Variants in ELAVL3 observed in about 807,000 individuals in gnomAD.
ELAVL3 encodes the protein ELAV like RNA binding protein 3, also known as ELAV-like protein 3.
Under a neutral mutation model 34.2 loss-of-function variants are expected in ELAVL3, and 8 were observed. That is an observed-to-expected ratio of 0.23 (90% CI 0.14 to 0.42). ELAVL3 has a LOEUF of 0.42. Ranked by LOEUF, ELAVL3 falls within the 10% of genes least tolerant of loss-of-function variation. The pLI, the probability that ELAVL3 is intolerant of heterozygous loss-of-function variation, is 1.00. For missense variants in ELAVL3, 273 were observed against 518.8 expected (o/e 0.53, Z 4.60); for synonymous variants, 209 against 222.1 (o/e 0.94, Z 0.53).
At position 11,454,306 on chromosome 19, in the gene ELAVL3, G is replaced by T; in HGVS notation, c.*220C>A. 1.8e-6 allele frequency: 1 copy of T among 561,166 alleles called. No homozygotes were observed. The highest frequency in any genetic ancestry group is 3.2e-6 in the Non-Finnish European group (1 of 316,330). The allele number at this position is 561,166 out of a possible 1,614,324, so 34.8% of individuals were successfully genotyped here. On this transcript the variant is annotated 3_prime_UTR_variant, in exon 7 of 7. Transcript: ENST00000359227. The surrounding 1 kb of genome is among the most constrained non-coding windows in gnomAD (Gnocchi z 9.2). Reference sequence around the variant, plus strand: ...ACAGCCCAGCCTGGGGTGGGGGCAGGAGGATGGGGCGGGGGATCCCCGGGC... The same window carrying T: ...ACAGCCCAGCCTGGGGTGGGGGCAGTAGGATGGGGCGGGGGATCCCCGGGC...
chr19:11,458,912 C>T lies in ELAVL3; in HGVS notation c.334-301G>A, dbSNP rs1272168105. Reference sequence around the variant, plus strand: ...GGATCCTTGAATAGCCGGCTCACATCACTATCACATGCTTGACAGTCCATC... The same window carrying T: ...GGATCCTTGAATAGCCGGCTCACATTACTATCACATGCTTGACAGTCCATC... On this transcript the variant is annotated intron_variant, in intron 3 of 6. Transcript: ENST00000359227. This position sits in a 1 kb window ranked among gnomAD's most constrained non-coding sequence, Gnocchi z 7.3. Among the ~76,000 whole-genome samples the T allele has an allele frequency of 4.0e-5, 6 of 151,802 alleles. No individual in the cohort carries two copies. The East Asian group carries it at 9.7e-4, about 24-fold the overall frequency.
chr19:11,480,451 C>T lies in ELAVL3; in HGVS notation c.9+149G>A. 1 of 1,020,248 alleles carries T rather than the reference C, an allele frequency of 9.8e-7. No homozygotes were observed. The highest frequency in any genetic ancestry group is 1.3e-6 in the Non-Finnish European group (1 of 756,974). 63.2% of individuals were successfully genotyped at this position (1,020,248 alleles called of 1,614,324 possible). ...CACTCTGGGCGCGGCCCTGCCCACT[C>T]TCAGGCCCCGAGGCTTGGTCCTACC... On this transcript the variant is annotated intron_variant, in intron 1 of 6. Transcript: ENST00000359227. This position sits in a 1 kb window ranked among gnomAD's most constrained non-coding sequence, Gnocchi z 6.8.
rs769934752 is a variant in ELAVL3, at chr19:11,458,108, G to A, written c.666C>T (p.Ser222=). ...QALLTHLYQS[S]ARRYAGPLHH... ...GTAGGGGGCCTGCGTAGCGCCGGGC[G>A]GATGACTGGTAGAGGTGGGTGAGCA... The change falls in exon 5 of 7, where the codon TCC becomes TCT. Residue 222 remains serine (S), a synonymous_variant. Transcript: ENST00000359227. The surrounding 1 kb of genome is among the most constrained non-coding windows in gnomAD (Gnocchi z 7.3). The A allele has an allele frequency of 5.6e-6, 9 of 1,614,006 alleles. No individual in the cohort carries two copies. The highest frequency in any genetic ancestry group is 5.0e-5 in the Admixed American group (3 of 60,036).
chr19:11,466,876 G>A lies in ELAVL3; in HGVS notation c.10-49C>T. On this transcript the variant is annotated intron_variant, in intron 1 of 6. Coordinates refer to ENST00000359227, the MANE Select transcript of ELAVL3 (RefSeq NM_001420.4). The surrounding 1 kb of genome is among the most constrained non-coding windows in gnomAD (Gnocchi z 5.0). ...CTCACCGCCCAGTCCCCACACCAGG[G>A]GCCTGCGGCAATGAGTGGCTTGGTG... is the stretch of plus-strand genomic sequence containing the variant. The A allele has an allele frequency of 2.0e-6, 3 of 1,509,392 alleles. No homozygotes were observed. Among genetic ancestry groups the A allele is most frequent in the Non-Finnish European group, 2.7e-6 (3 of 1,110,738 alleles). 93.5% of individuals were successfully genotyped at this position (1,509,392 alleles called of 1,614,324 possible). A position where few individuals can be genotyped will look rare whatever the true frequency, so the allele number is the denominator to read the frequency against.
chr19:11,464,123 G>GTCTCTCTCTGTCTCTCTCTCTC (rs1317749325), intron 3 of ELAVL3, among the ~76,000 whole-genome samples: 2 of 110,954 alleles, frequency 1.8e-5, no homozygotes, highest in African/African-American at 8.0e-5. Context: ...GTCTCTCTCT[G>GTCTCTCTCTGTCTCTCTCTCTC]TCTCTCTCTC....
intron 3 of ELAVL3, among the ~76,000 whole-genome samples, chr19:11,459,489 G>C (rs1970839674): frequency 6.6e-6 from 1 of 151,648 alleles, no homozygotes; most frequent in South Asian, 2.1e-4. Context: ...GGCTGGTCTC[G>C]AGCTCCTGAT....
intron 5 of ELAVL3, 120 bp downstream of exon 5, chr19:11,457,941 C>T: frequency 9.3e-7 from 1 of 1,070,372 alleles, no homozygotes; most frequent in Non-Finnish European, 1.4e-6. Flanking sequence ...AGATAGGCTC[C>T]TTGGCTCCCA....
chr19:11,463,942 C>G (rs1599536838), intron 3 of ELAVL3, among the ~76,000 whole-genome samples: 1 of 150,902 alleles, frequency 6.6e-6, no homozygotes, highest in Non-Finnish European at 1.5e-5. Context: ...GCAATCCAGC[C>G]TGGGCAAGAG....
At position 11,453,158 on chromosome 19, in the gene ELAVL3, C is replaced by T. The variant is rs1361166799; in HGVS notation, c.*1368G>A. 1 of 146,846 alleles carries T rather than the reference C, an allele frequency of 6.8e-6. No individual in the cohort carries two copies. Among genetic ancestry groups the T allele is most frequent in the Admixed American group, 6.7e-5 (1 of 14,874 alleles). 9.1% of individuals were successfully genotyped at this position (146,846 alleles called of 1,614,324 possible). A position where few individuals can be genotyped will look rare whatever the true frequency, so the allele number is the denominator to read the frequency against. On this transcript the variant is annotated 3_prime_UTR_variant, in exon 7 of 7. Coordinates refer to ENST00000359227, the MANE Select transcript of ELAVL3 (RefSeq NM_001420.4). ...CTCGGCCCAGGGGGAGGCTGAGCCC[C>T]GGGGACAGGGGTGTCCTTTGGCCTC...
At chr19:11,465,589 C>T (rs1046550968) in intron 3 of ELAVL3, among the ~76,000 whole-genome samples, 1 of 127,732 alleles carries the variant, frequency 7.8e-6, no homozygotes, top group African/African-American at 4.8e-5. Context: ...AGATGGGCCA[C>T]CCCCCCGACC....
chr19:11,472,933 G>C (rs2144908970), intron 1 of ELAVL3, among the ~76,000 whole-genome samples: 1 of 152,072 alleles, frequency 6.6e-6, no homozygotes, highest in East Asian at 1.9e-4. Context: ...CAGGTGGGGT[G>C]GTGGGCACCT....
At chr19:11,471,087 C>G (rs367784064) in intron 1 of ELAVL3, among the ~76,000 whole-genome samples, 2 of 145,376 alleles carry the variant, frequency 1.4e-5, no homozygotes, top group African/African-American at 5.1e-5. Flanking sequence ...CCGAGGTGGG[C>G]GGATCACGAG....
At chr19:11,460,969 C>T (rs114026567) in intron 3 of ELAVL3, among the ~76,000 whole-genome samples, 17,995 of 144,896 alleles carry the variant, frequency 0.12, 1,514 homozygotes, top group African/African-American at 0.24. Context: ...CTGGACAATA[C>T]AGCAAGACTC....
Position 11,454,572 on chromosome 19 carries a change from C to T in ELAVL3, c.1058G>A (p.Arg353His). 3 of 1,613,996 alleles carry T rather than the reference C, an allele frequency of 1.9e-6. No homozygotes were observed. The highest frequency in any genetic ancestry group is 2.5e-6 in the Non-Finnish European group (3 of 1,179,926). Residue 353 changes from arginine (R) to histidine (H), a missense_variant, in exon 7 of 7, where the codon CGC (arginine) becomes CAC (histidine). Arg to His is a conservative substitution (Grantham distance 29, BLOSUM62 0). This residue lies in a region of ELAVL3 where 52 missense variants were observed against 119.6 expected (regional missense o/e 0.43). Coordinates refer to ENST00000359227, the MANE Select transcript of ELAVL3 (RefSeq NM_001420.4). The surrounding 1 kb of genome is among the most constrained non-coding windows in gnomAD (Gnocchi z 9.2). ...ASLNGYRLGE[R>H]VLQVSFKTSK... ...GGTCTTGAAGGAGACCTGCAGCACG[C>T]GCTCGCCCAGGCGATAGCCGTTCAG...
chr19:11,464,876 TACACACATACACACACC>T (rs1396119261), intron 3 of ELAVL3, among the ~76,000 whole-genome samples: 9 of 49,706 alleles, frequency 1.8e-4, no homozygotes, highest in African/African-American at 4.5e-4. Context: ...CACACACACA[TACACACATACACACACC>T]ACACACACCA....
intron 3 of ELAVL3, among the ~76,000 whole-genome samples, chr19:11,459,628 G>C (rs1047649708): frequency 1.3e-5 from 2 of 150,774 alleles, no homozygotes; most frequent in Non-Finnish European, 2.9e-5. Flanking sequence ...ACCTAGGCTG[G>C]TATTGAACTT....
Position 11,480,460 on chromosome 19 carries a change from C to G in ELAVL3, c.9+140G>C. ...CGCGGCCCTGCCCACTCTCAGGCCC[C>G]GAGGCTTGGTCCTACCCCCCCAACC... On this transcript the variant is annotated intron_variant, in intron 1 of 6. Transcript: ENST00000359227. This position sits in a 1 kb window ranked among gnomAD's most constrained non-coding sequence, Gnocchi z 6.8. The G allele has an allele frequency of 1.8e-6, 2 of 1,097,828 alleles. No individual in the cohort carries two copies. The highest frequency in any genetic ancestry group is 2.4e-6 in the Non-Finnish European group (2 of 825,204). The allele number at this position is 1,097,828 out of a possible 1,614,324, so 68.0% of individuals were successfully genotyped here.
chr19:11,462,913 G>C lies in ELAVL3; in HGVS notation c.333+3259C>G, dbSNP rs184326417. On this transcript the variant is annotated intron_variant, in intron 3 of 6. Transcript: ENST00000359227. ...GGAGGCAGAGGTTGCAGTGAGCCGA[G>C]ATCGCGCTACTGCATTCCAGCCTGG... Among the ~76,000 whole-genome samples, 19 of 146,920 alleles carry C rather than the reference G, an allele frequency of 1.3e-4. No individual in the cohort carries two copies. In the East Asian group the frequency reaches 3.8e-3, roughly 30 times the overall value.
At position 11,466,773 on chromosome 19, in the gene ELAVL3, GGGCCGGGCC is replaced by G; in HGVS notation, c.55_63del (p.Gly19_Ala21del). 1 of 1,613,954 alleles carries G rather than the reference GGGCCGGGCC, an allele frequency of 6.2e-7. No homozygotes were observed. The highest frequency in any genetic ancestry group is 8.5e-7 in the Non-Finnish European group (1 of 1,179,932). On this transcript the variant is annotated inframe_deletion, in exon 2 of 7. Transcript: ENST00000359227. The surrounding 1 kb of genome is among the most constrained non-coding windows in gnomAD (Gnocchi z 5.0). The stretch of plus-strand genomic sequence containing the variant: ...GTACCAAGGAGTGGCCCGTTGGGCA[GGGCCGGGCC>G]GGCCGGGCCCCCCCCCACCTGAGAC...
Sources: gnomAD v4.1 joint callset for allele counts (sites outside exome capture counted in the v4.1 genomes callset) on GRCh38, gnomAD v4.1.1 for gene constraint, gnomAD v4.1.1 regional missense constraint, Gnocchi (gnomAD v3.1) non-coding constraint, MANE v1.5 for transcripts, NCBI Gene and HGNC (gene_info 2026-07-23, HGNC 2026-07-21) for gene names.